The following TNNT1 variants were observed in gnomAD, a reference collection of about 807,000 sequenced individuals.
TNNT1 encodes the protein troponin T1, slow skeletal type.
TNNT1 carries 53 observed loss-of-function variants against 50.6 expected under a neutral mutation model. The observed-to-expected ratio is 1.05, with a 90% CI of 0.84 to 1.32. The LOEUF (loss-of-function observed/expected upper bound fraction) is 1.32. Ranked by LOEUF, TNNT1 falls within the 40% of genes most tolerant of loss-of-function variation. TNNT1 has a pLI of 0.00. For missense variants in TNNT1, 348 were observed against 381.7 expected, an observed-to-expected ratio of 0.91 and a Z score of 0.74; for synonymous variants, 142 against 138.0, an observed-to-expected ratio of 1.03 and a Z score of -0.20.
chr19:55,148,487 G>A (rs551911473), intron 1 of TNNT1, among the ~76,000 whole-genome samples: 2 of 151,982 alleles, frequency 1.3e-5, no homozygotes, highest in East Asian at 3.9e-4. Flanking sequence ...CTGAGACCCC[G>A]ATTTATGATG....
At chr19:55,141,622 TAC>T (rs2085456912) in intron 7 of TNNT1, among the ~76,000 whole-genome samples, 1 of 151,866 alleles carries the variant, frequency 6.6e-6, no homozygotes, top group African/African-American at 2.4e-5. Context: ...TAGCTGGGAT[TAC>T]AGACACCTGC....
At chr19:55,133,293 T>G (rs1258292088) in intron 13 of TNNT1, among the ~76,000 whole-genome samples, 1 of 148,260 alleles carries the variant, frequency 6.7e-6, no homozygotes, top group Non-Finnish European at 1.5e-5. Context: ...CAGGAAGGGC[T>G]GGGGTGAAAG....
intron 6 of TNNT1, 155 bp from the exon 7 acceptor site, chr19:55,142,075 A>G (rs759460379): frequency 4.3e-6 from 3 of 698,200 alleles, no homozygotes; most frequent in South Asian, 3.2e-5. Flanking sequence ...TGAAACACAC[A>G]AAAGAAGGTA....
chr19:55,146,693 C>A lies in TNNT1; in HGVS notation c.61G>T (p.Glu21Ter). The change falls in exon 4 of 14, where the codon GAG becomes TAG. Residue 21 changes from glutamate to a stop codon, truncating the protein, a stop_gained. Coordinates refer to ENST00000588981, the MANE Select transcript of TNNT1 (RefSeq NM_003283.6). LOFTEE classifies it high-confidence loss of function. ...EEQPEEEAAEEEEEAPEEPEP... is the reference protein window; with the variant it reads ...EEQPEEEAAE ...TCCGGGACCTCACCTTCCTCCTCCT[C>A]CTCCGCAGCCTCCTCTGGAGATGGG... 6.7e-7 allele frequency: 1 copy of A among 1,499,244 alleles called. No homozygotes were observed. The highest frequency in any genetic ancestry group is 8.9e-7 in the Non-Finnish European group (1 of 1,121,664). 92.9% of individuals were successfully genotyped at this position (1,499,244 alleles called of 1,614,324 possible).
chr19:55,137,222 G>T lies in TNNT1; in HGVS notation c.502-10C>A. On this transcript the variant is annotated splice_polypyrimidine_tract_variant and intron_variant, in intron 10 of 13. Coordinates refer to ENST00000588981, the MANE Select transcript of TNNT1 (RefSeq NM_003283.6). ...CACGCTTCTGTTCTGCCTGAGGGTG[G>T]GGGAGGCGGAACAGTAAACTGGGGG... 6.2e-7 allele frequency: 1 copy of T among 1,603,404 alleles called. No homozygotes were observed. Among genetic ancestry groups the T allele is most frequent in the Non-Finnish European group, 8.5e-7 (1 of 1,170,804 alleles).
chr19:55,136,977 G>T, intron 11 of TNNT1, 126 bp downstream of exon 11: 2 of 646,120 alleles, frequency 3.1e-6, no homozygotes, highest in Non-Finnish European at 5.5e-6. Context: ...GAAGCCACTT[G>T]CCCAAAGTCA....
intron 13 of TNNT1, among the ~76,000 whole-genome samples, chr19:55,133,333 A>T (rs1002725928): frequency 1.1e-4 from 16 of 150,994 alleles, no homozygotes; most frequent in African/African-American, 3.9e-4. Context: ...AGGAGAAGGG[A>T]GAGGGAGAGG....
chr19:55,137,308 C>T (rs934447197), intron 10 of TNNT1, 96 bp from the exon 11 acceptor site: 4 of 841,564 alleles, frequency 4.8e-6, no homozygotes, highest in South Asian at 1.4e-5. Flanking sequence ...AGACCATTTC[C>T]ATGTTGGGAC....
At chr19:55,141,645 G>C (rs1425079227) in intron 7 of TNNT1, among the ~76,000 whole-genome samples, 2 of 151,904 alleles carry the variant, frequency 1.3e-5, no homozygotes, top group Admixed American at 1.3e-4. Flanking sequence ...CACCACGCCC[G>C]GCTAATTTTT....
intron 11 of TNNT1, among the ~76,000 whole-genome samples, chr19:55,136,036 A>C (rs1327371985): frequency 6.6e-6 from 1 of 152,178 alleles, no homozygotes; most frequent in Non-Finnish European, 1.5e-5. Flanking sequence ...GCAGCTGTTA[A>C]ACATTTACCA....
chr19:55,145,136 G>GAAA (rs71181741), intron 6 of TNNT1, among the ~76,000 whole-genome samples: 1 of 130,398 alleles, frequency 7.7e-6, no homozygotes, highest in Non-Finnish European at 1.6e-5. Flanking sequence ...TCTACAAAAA[G>GAAA]AAAAAAAAAA....
chr19:55,133,578 T>TG (rs2085286413), intron 13 of TNNT1: 2 of 469,222 alleles, frequency 4.3e-6, no homozygotes, highest in Admixed American at 7.1e-5. Flanking sequence ...CTCAGGGGGC[T>TG]GAGGCAGGAG....
In TNNT1 at chr19:55,132,979, G is replaced by T. The variant is rs752005810; in HGVS notation, c.792-19C>A. On this transcript the variant is annotated intron_variant, in intron 13 of 13. Coordinates refer to ENST00000588981, the MANE Select transcript of TNNT1 (RefSeq NM_003283.6). ...CTTCCGGCTGTAGAAGAATGAGGTGGTATCAGGAAAAAGGGGCCCCTCCAG... is the reference window on the plus strand; with the variant it reads ...CTTCCGGCTGTAGAAGAATGAGGTGTTATCAGGAAAAAGGGGCCCCTCCAG... 6.3e-7 allele frequency: 1 copy of T among 1,593,458 alleles called. No individual in the cohort carries two copies. The highest frequency in any genetic ancestry group is 8.5e-7 in the Non-Finnish European group (1 of 1,171,238).
At chr19:55,147,219 C>T in intron 1 of TNNT1, 51 bp from the exon 2 acceptor site, 4 of 1,572,960 alleles carry the variant, frequency 2.5e-6, no homozygotes, top group Non-Finnish European at 3.5e-6. Flanking sequence ...AAGGAGGGGG[C>T]GACCTAGACT....
At chr19:55,138,466 C>T (rs1351209494) in intron 9 of TNNT1, among the ~76,000 whole-genome samples, 2 of 152,088 alleles carry the variant, frequency 1.3e-5, no homozygotes, top group Non-Finnish European at 2.9e-5. Flanking sequence ...TTAGTGGAGA[C>T]GCGGTTTCAC....
chr19:55,147,308 GT>G (rs1568850244), intron 1 of TNNT1, 140 bp from the exon 2 acceptor site: 7,850 of 759,206 alleles, frequency 0.01, 162 homozygotes, highest in African/African-American at 0.056. Flanking sequence ...AGGAGCTGGG[GT>G]CTGGACTCCT....
intron 11 of TNNT1, 64 bp downstream of exon 11, chr19:55,137,039 G>A (rs1203982534): frequency 6.5e-6 from 7 of 1,072,596 alleles, no homozygotes; most frequent in South Asian, 1.3e-5. Context: ...ATCTGGGTGT[G>A]AGCTCCTTTA....
intron 9 of TNNT1, among the ~76,000 whole-genome samples, chr19:55,138,364 G>A (rs1014759516): frequency 6.7e-6 from 1 of 149,428 alleles, no homozygotes; most frequent in Non-Finnish European, 1.5e-5. Flanking sequence ...TGCAACCTCC[G>A]CCTCCCGGGT....
Position 55,146,993 on chromosome 19 carries a change from C to G in TNNT1, c.46+15G>C. On this transcript the variant is annotated intron_variant, in intron 3 of 13. Transcript: ENST00000588981. Reference sequence around the variant, plus strand: ...CGTGTCCCCATCCCATAGGGCCGGCCCACTCCCTACTCACCTTCCGGCTGC... The same window carrying G: ...CGTGTCCCCATCCCATAGGGCCGGCGCACTCCCTACTCACCTTCCGGCTGC... 1 of 1,604,444 alleles carries G rather than the reference C, an allele frequency of 6.2e-7. No individual in the cohort carries two copies. Among genetic ancestry groups the G allele is most frequent in the Non-Finnish European group, 8.5e-7 (1 of 1,175,560 alleles).
Sources: allele counts gnomAD v4.1 joint callset (sites outside exome capture counted in the v4.1 genomes callset), GRCh38; gene constraint gnomAD v4.1.1; transcripts MANE v1.5; gene names NCBI Gene and HGNC (gene_info 2026-07-23, HGNC 2026-07-21).